The following NUP85 variants were observed in gnomAD, a reference collection of about 807,000 sequenced individuals.
NUP85 encodes nucleoporin 85.
A neutral mutation model predicts 92.8 loss-of-function variants in NUP85; 23 were observed. The ratio of observed to expected loss-of-function variants is 0.25; its 90% confidence interval spans 0.18 to 0.35. The LOEUF is 0.35. Among genes scored for constraint, NUP85 ranks in the 10% least tolerant of loss-of-function variants. The probability of loss-of-function intolerance (pLI) is 1.00; values close to 1 mark genes in which losing one functional copy is unlikely to be tolerated. For missense variants in NUP85, 759 were observed against 822.8 expected (o/e 0.92, Z 0.95); for synonymous variants, 314 against 306.9 (o/e 1.02, Z -0.24).
intron 5 of NUP85, 61 bp downstream of exon 5, chr17:75,213,180 TG>T: frequency 6.5e-7 from 1 of 1,531,324 alleles, no homozygotes; most frequent in Non-Finnish European, 9.0e-7. Flanking sequence ...GGCACCCACC[TG>T]GGGTGGCTTT....
rs747919003 is a variant in NUP85, at chr17:75,232,906, T to C, written c.1452T>C (p.Gly484=). The C allele has an allele frequency of 6.2e-7, 1 of 1,614,236 alleles. No individual in the cohort carries two copies. Among genetic ancestry groups the C allele is most frequent in the East Asian group, 2.2e-5 (1 of 44,892 alleles). The change falls in exon 15 of 19, where the codon GGT becomes GGC. Residue 484 remains glycine, a synonymous_variant. Coordinates refer to ENST00000245544, the MANE Select transcript of NUP85 (RefSeq NM_024844.5). The part of the protein sequence containing the change: ...AMKAVRNNRL[G]SALSWSIRAK... ...AAGCCGTCCGCAACAATCGCCTGGG[T>C]TCTGCCCTCTCTTGGAGCATCCGTG...
At chr17:75,229,797 T>C (rs1471007591) in intron 11 of NUP85, among the ~76,000 whole-genome samples, 1 of 152,164 alleles carries the variant, frequency 6.6e-6, no homozygotes, top group Non-Finnish European at 1.5e-5. Flanking sequence ...TCTCAGCCCT[T>C]CCTTCCAGTT....
intron 11 of NUP85, among the ~76,000 whole-genome samples, chr17:75,227,131 G>A (rs1343370378): frequency 6.6e-6 from 1 of 152,074 alleles, no homozygotes; most frequent in Admixed American, 6.6e-5. Context: ...GGAGGAAGTG[G>A]GTAATGGCAG....
intron 5 of NUP85, among the ~76,000 whole-genome samples, chr17:75,214,208 A>G (rs570276555): frequency 2.0e-5 from 3 of 152,248 alleles, no homozygotes; most frequent in South Asian, 4.1e-4. Context: ...GATGACTTAC[A>G]GTATCTTTTT....
intron 7 of NUP85, among the ~76,000 whole-genome samples, chr17:75,220,502 T>G (rs1298844429): frequency 1.3e-5 from 2 of 151,720 alleles, no homozygotes; most frequent in African/African-American, 4.8e-5. Context: ...AGCCTTGGCC[T>G]CCAGGTCTCC....
At chr17:75,234,108 G>A (rs1343445533) in intron 16 of NUP85, among the ~76,000 whole-genome samples, 4 of 147,922 alleles carry the variant, frequency 2.7e-5, no homozygotes, top group African/African-American at 1.0e-4. Flanking sequence ...CTGGAGTGCA[G>A]TGGTACAATC....
At position 75,224,995 on chromosome 17, in the gene NUP85, T is replaced by G. The variant is rs538478114; in HGVS notation, c.598-108T>G. On this transcript the variant is annotated intron_variant, in intron 7 of 18. Coordinates refer to ENST00000245544, the MANE Select transcript of NUP85 (RefSeq NM_024844.5). ...AGACTCAGGTGCAGAAAGAAGCCTG[T>G]GTGTGAAGAGTTAAAAAGCCAAAGT... The G allele has an allele frequency of 2.2e-5, 24 of 1,112,612 alleles. No homozygotes were observed. The East Asian group carries it at 4.6e-4, about 21-fold the overall frequency. The allele number at this position is 1,112,612 out of a possible 1,614,324, so 68.9% of individuals were successfully genotyped here.
At position 75,235,736 on chromosome 17, in the gene NUP85, A is replaced by C; in HGVS notation, c.*57A>C. ...AATGTATATAGATTTTTTTAAAAGA[A>C]TAAATGTTGTTTTGCAAATGTAGGT... On this transcript the variant is annotated 3_prime_UTR_variant, in exon 19 of 19. Coordinates refer to ENST00000245544, the MANE Select transcript of NUP85 (RefSeq NM_024844.5). 7.6e-7 allele frequency: 1 copy of C among 1,324,396 alleles called. No homozygotes were observed. Among genetic ancestry groups the C allele is most frequent in the Non-Finnish European group, 1.1e-6 (1 of 925,910 alleles). 82.0% of individuals were successfully genotyped at this position (1,324,396 alleles called of 1,614,324 possible). A position where few individuals can be genotyped will look rare whatever the true frequency, so the allele number is the denominator to read the frequency against.
rs145867281 is a variant in NUP85, at chr17:75,224,613, C to G, written c.598-490C>G. ...TTTGGGAGGCCGAGGCGGGGAATCA[C>G]TTGAGGTCAGGAGTTCGAGACCAGC... On this transcript the variant is annotated intron_variant, in intron 7 of 18. Transcript: ENST00000245544. Among the ~76,000 whole-genome samples the G allele has an allele frequency of 1.7e-3, 252 of 152,096 alleles. 2 individuals carry two copies. The highest frequency in any genetic ancestry group is 5.8e-3 in the African/African-American group (241 of 41,528).
At chr17:75,228,456 A>T in intron 11 of NUP85, 1 of 985,432 alleles carries the variant, frequency 1.0e-6, no homozygotes, top group Non-Finnish European at 1.2e-6. Flanking sequence ...TGAAAGAGGA[A>T]CAGAAAAGCA....
At chr17:75,226,497 G>A (rs893887412) in intron 11 of NUP85, among the ~76,000 whole-genome samples, 1 of 152,064 alleles carries the variant, frequency 6.6e-6, no homozygotes, top group African/African-American at 2.4e-5. Flanking sequence ...CGCTTTATAA[G>A]GGCACCCAAT....
chr17:75,225,278 G>C (rs377658608), intron 8 of NUP85, 41 bp downstream of exon 8: 31 of 1,609,770 alleles, frequency 1.9e-5, no homozygotes, highest in Non-Finnish European at 2.6e-5. Flanking sequence ...CACAGGAGAT[G>C]CGTGATTCAC....
Position 75,231,577 on chromosome 17 carries a change from G to A in NUP85, c.1183G>A (p.Gly395Ser), listed in dbSNP as rs1294115930. The change falls in exon 13 of 19, where the codon GGT becomes AGT. Residue 395 changes from glycine to serine, a missense_variant. Gly to Ser is a moderately conservative substitution (Grantham distance 56). Transcript: ENST00000245544. This position sits in a 1 kb window ranked among gnomAD's most constrained non-coding sequence, Gnocchi z 4.6. ...TTTTGTTATGTTTTATTCCAGTTTC[G>A]GTTCCAACATGAGAGAGTTCCTCCT... is the stretch of plus-strand genomic sequence containing the variant. ...KLLQSHNLYF[G>S]SNMREFLLLE... The A allele has an allele frequency of 1.2e-6, 2 of 1,614,138 alleles. No homozygotes were observed. Among genetic ancestry groups the A allele is most frequent in the Middle Eastern group, 1.6e-4 (1 of 6,062 alleles).
intron 1 of NUP85, 76 bp from the exon 2 acceptor site, chr17:75,208,440 CAAAAAAAAAAA>C (rs10579016): frequency 5.2e-6 from 3 of 575,992 alleles, no homozygotes; most frequent in Admixed American, 5.8e-5. Flanking sequence ...GTCTTTGTCT[CAAAAAAAAAAA>C]AAAAAAAAAA....
At chr17:75,208,440 C>CAA (rs10579016) in intron 1 of NUP85, 87 bp from the exon 2 acceptor site, 469 of 576,616 alleles carry the variant, frequency 8.1e-4, no homozygotes, top group African/African-American at 3.8e-3. Flanking sequence ...GTCTTTGTCT[C>CAA]AAAAAAAAAA....
In NUP85 at chr17:75,231,629, C is replaced by T. The variant is rs771037987; in HGVS notation, c.1235C>T (p.Ala412Val). 3 of 1,614,166 alleles carry T rather than the reference C, an allele frequency of 1.9e-6. No homozygotes were observed. The highest frequency in any genetic ancestry group is 1.7e-5 in the Admixed American group (1 of 60,026). The change falls in exon 13 of 19, where the codon GCT becomes GTT. Residue 412 changes from alanine (A) to valine (V), a missense_variant. Transcript: ENST00000245544. The surrounding 1 kb of genome is among the most constrained non-coding windows in gnomAD (Gnocchi z 4.6). ...CTGGAGTACGCCTCGGGACTGTTTG[C>T]TCATCCCAGGTAGGAAGGACCCCAT... Reference protein sequence around the residue: ...LLLEYASGLFAHPSLWQLGVD... With the variant: ...LLLEYASGLFVHPSLWQLGVD...
Position 75,232,903 on chromosome 17 carries a change from G to A in NUP85, c.1449G>A (p.Leu483=), listed in dbSNP as rs1174043465. Residue 483 remains leucine, a synonymous_variant, in exon 15 of 19, where the codon CTG becomes CTA. Coordinates refer to ENST00000245544, the MANE Select transcript of NUP85 (RefSeq NM_024844.5). The stretch of plus-strand genomic sequence containing the variant: ...TGAAAGCCGTCCGCAACAATCGCCT[G>A]GGTTCTGCCCTCTCTTGGAGCATCC... ...LAMKAVRNNR[L]GSALSWSIRA... is the part of the protein sequence containing the mutation. The A allele has an allele frequency of 6.2e-7, 1 of 1,614,206 alleles. No homozygotes were observed. Among genetic ancestry groups the A allele is most frequent in the South Asian group, 1.1e-5 (1 of 91,084 alleles).
At chr17:75,208,406 C>G in intron 1 of NUP85, 121 bp from the exon 2 acceptor site, 1 of 704,494 alleles carries the variant, frequency 1.4e-6, no homozygotes, top group East Asian at 2.5e-5. Flanking sequence ...GATTACACCA[C>G]TGTACACCAG....
At chr17:75,230,040 C>A (rs2075983598) in intron 11 of NUP85, among the ~76,000 whole-genome samples, 1 of 124,458 alleles carries the variant, frequency 8.0e-6, no homozygotes, top group African/African-American at 2.7e-5. Flanking sequence ...TTAAGGTGTA[C>A]AAAATTTTTT....
Sources: gnomAD v4.1 joint callset for allele counts (sites outside exome capture counted in the v4.1 genomes callset) on GRCh38, gnomAD v4.1.1 for gene constraint, Gnocchi (gnomAD v3.1) non-coding constraint, MANE v1.5 for transcripts, NCBI Gene and HGNC (gene_info 2026-07-23, HGNC 2026-07-21) for gene names.